AGBL4: variants seen among roughly 807,000 people sequenced by gnomAD.
AGBL4 encodes AGBL carboxypeptidase 4.
AGBL4 carries 58 observed loss-of-function variants against 66.4 expected under a neutral mutation model. The ratio of observed to expected loss-of-function variants is 0.87; its 90% CI spans 0.71 to 1.09. The LOEUF (loss-of-function observed/expected upper bound fraction) is 1.09. Among genes scored for constraint, AGBL4 ranks in the 50% least tolerant of loss-of-function variants. The pLI is 0.00. For synonymous variants in AGBL4, 234 were observed against 222.9 expected, an observed-to-expected ratio of 1.05 and a Z score of -0.44; for missense variants, 579 against 631.0, an observed-to-expected ratio of 0.92 and a Z score of 0.88.
intron 3 of AGBL4, among the ~76,000 whole-genome samples, chr1:49,473,689 A>T (rs1235358623): frequency 2.0e-5 from 3 of 152,054 alleles, no homozygotes; most frequent in Non-Finnish European, 4.4e-5. Flanking sequence ...TTAAGGATTT[A>T]GTCATATTCT....
intron 1 of AGBL4, among the ~76,000 whole-genome samples, chr1:49,897,461 C>T (rs1649335309): frequency 6.6e-6 from 1 of 151,690 alleles, no homozygotes. Flanking sequence ...GAAGAGGACA[C>T]AAAAAAGTGG....
intron 4 of AGBL4, among the ~76,000 whole-genome samples, chr1:49,131,403 T>C (rs566741190): frequency 6.6e-6 from 1 of 152,226 alleles, no homozygotes; most frequent in East Asian, 1.9e-4. Flanking sequence ...TACATCTCGA[T>C]AAATTGAATT....
chr1:49,895,744 G>A (rs774001655), intron 1 of AGBL4, among the ~76,000 whole-genome samples: 29 of 151,548 alleles, frequency 1.9e-4, no homozygotes, highest in Non-Finnish European at 3.5e-4. Context: ...GCAAAAGCAA[G>A]AAATTAAATT....
chr1:49,613,951 C>T (rs1645203003), intron 3 of AGBL4, among the ~76,000 whole-genome samples: 1 of 152,168 alleles, frequency 6.6e-6, no homozygotes, highest in Non-Finnish European at 1.5e-5. Flanking sequence ...AGAATCACAG[C>T]ATGTGAGAAA....
At chr1:48,839,827 G>C (rs1349877727) in intron 6 of AGBL4, among the ~76,000 whole-genome samples, 2 of 152,172 alleles carry the variant, frequency 1.3e-5, no homozygotes, top group Non-Finnish European at 2.9e-5. Context: ...TGTCAGCCCA[G>C]TGTGTGGTGG....
intron 4 of AGBL4, among the ~76,000 whole-genome samples, chr1:49,104,122 T>C (rs890013660): frequency 2.6e-5 from 4 of 152,150 alleles, no homozygotes; most frequent in South Asian, 2.1e-4. Context: ...AAGCTTCTTC[T>C]TCCTCCTTCT....
chr1:49,141,457 A>G lies in AGBL4; in HGVS notation c.378-95657T>C, dbSNP rs141886942. On this transcript the variant is annotated intron_variant, in intron 4 of 13. Transcript: ENST00000371839. ...ATCTGAGTATGCTCTGGAGGACCCC[A>G]GAGGAGAAGACATGGTGCTTATCCT... Among the ~76,000 whole-genome samples, 29 of 152,292 alleles carry G rather than the reference A, an allele frequency of 1.9e-4. No individual in the cohort carries two copies. In the East Asian group the frequency reaches 4.8e-3, roughly 25 times the overall value.
intron 6 of AGBL4, among the ~76,000 whole-genome samples, chr1:48,712,882 AAAACAGCAGCTATGAGGG>A (rs1183722573): frequency 6.6e-6 from 1 of 152,248 alleles, no homozygotes; most frequent in East Asian, 1.9e-4. Flanking sequence ...GAGAGACACC[AAAACAGCAGCTATGAGGG>A]AGATGGCGGC....
At chr1:48,880,895 C>T (rs781183251) in intron 5 of AGBL4, among the ~76,000 whole-genome samples, 3 of 152,050 alleles carry the variant, frequency 2.0e-5, no homozygotes, top group Admixed American at 6.6e-5. Context: ...AAGAATTTTT[C>T]CAATACTGTT....
chr1:49,465,231 ACAC>A (rs1646603701), intron 3 of AGBL4, among the ~76,000 whole-genome samples: 1 of 150,140 alleles, frequency 6.7e-6, no homozygotes, highest in Admixed American at 6.7e-5. Flanking sequence ...ACACACACAC[ACAC>A]ACACACACAC....
chr1:49,406,338 A>G (rs1177849992), intron 3 of AGBL4, among the ~76,000 whole-genome samples: 1 of 152,222 alleles, frequency 6.6e-6, no homozygotes, highest in East Asian at 1.9e-4. Context: ...TTTAAAACCA[A>G]TGCAACATTT....
chr1:48,816,045 TTGTGTGTGTGTGTGTGTG>T lies in AGBL4; in HGVS notation c.634+51128_634+51145del, dbSNP rs59041939. On this transcript the variant is annotated intron_variant, in intron 6 of 13. Transcript: ENST00000371839. ...TTTGGCCACTTATTGAGGAACTGTT[TTGTGTGTGTGTGTGTGTG>T]TGTGTGTGTGTGTGTGTGTGTGTGT... 4.7e-4 allele frequency among the ~76,000 whole-genome samples: 68 copies of T among 144,398 alleles called. 1 individual carries two copies. The highest frequency in any genetic ancestry group is 1.6e-3 in the African/African-American group (60 of 38,704). The allele number at this position is 144,398 out of a possible 152,430, so 94.7% of individuals were successfully genotyped here.
At chr1:49,224,616 CAAAA>C (rs377573639) in intron 4 of AGBL4, among the ~76,000 whole-genome samples, 4,002 of 74,670 alleles carry the variant, frequency 0.054, 78 homozygotes, top group Non-Finnish European at 0.073. Context: ...GACTCCCTCT[CAAAA>C]AAAAAAAAAA....
chr1:49,151,323 C>T (rs1188916798), intron 4 of AGBL4, among the ~76,000 whole-genome samples: 1 of 149,028 alleles, frequency 6.7e-6, no homozygotes, highest in African/African-American at 2.5e-5. Flanking sequence ...CACACACATA[C>T]ACATAAACAA....
intron 3 of AGBL4, among the ~76,000 whole-genome samples, chr1:49,371,965 C>A (rs1644355805): frequency 6.6e-6 from 1 of 151,728 alleles, no homozygotes; most frequent in Non-Finnish European, 1.5e-5. Flanking sequence ...TCTACTGGAA[C>A]AAACTTCGAT....
At chr1:48,651,468 C>T (rs1455805463) in intron 8 of AGBL4, among the ~76,000 whole-genome samples, 1 of 152,154 alleles carries the variant, frequency 6.6e-6, no homozygotes, top group South Asian at 2.1e-4. Flanking sequence ...TCTCTGACCG[C>T]TGCTCTTGTA....
chr1:49,987,788 A>C (rs1051408409), intron 1 of AGBL4, among the ~76,000 whole-genome samples: 3 of 152,008 alleles, frequency 2.0e-5, no homozygotes, highest in African/African-American at 7.2e-5. Flanking sequence ...TTTAACAAAT[A>C]CATCTACATT....
At chr1:49,586,938 C>T (rs1459904026) in intron 3 of AGBL4, among the ~76,000 whole-genome samples, 1 of 152,098 alleles carries the variant, frequency 6.6e-6, no homozygotes, top group African/African-American at 2.4e-5. Context: ...CCTTTTCCTC[C>T]CTCCTCCTCC....
At position 48,856,790 on chromosome 1, in the gene AGBL4, A is replaced by C. The variant is rs529138571; in HGVS notation, c.634+10401T>G. Among the ~76,000 whole-genome samples, 4 of 152,320 alleles carry C rather than the reference A, an allele frequency of 2.6e-5. No individual in the cohort carries two copies. In the South Asian group the frequency reaches 8.3e-4, roughly 32 times the overall value. ...CTGTGATTTTTTTCTGGAAGTTTCT[A>C]TCATATTTTAGGAAATCAATTGTAT... On this transcript the variant is annotated intron_variant, in intron 6 of 13. Coordinates refer to ENST00000371839, the MANE Select transcript of AGBL4 (RefSeq NM_032785.4).
Sources: allele counts gnomAD v4.1 joint callset (sites outside exome capture counted in the v4.1 genomes callset), GRCh38; gene constraint gnomAD v4.1.1; transcripts MANE v1.5; gene names NCBI Gene and HGNC (gene_info 2026-07-23, HGNC 2026-07-21).